RIC8A: variants seen among roughly 807,000 people sequenced by gnomAD.
The protein encoded by RIC8A is RIC8 guanine nucleotide exchange factor A.
RIC8A carries 37 observed loss-of-function variants against 48.4 expected under a neutral mutation model. That is an observed-to-expected ratio of 0.77 (90% CI 0.59 to 1.01). RIC8A has a LOEUF of 1.01. Among genes scored for constraint, RIC8A ranks in the 50% least tolerant of loss-of-function variants. The pLI is 0.00. For synonymous variants in RIC8A, 288 were observed against 283.4 expected (o/e 1.02, Z -0.16); for missense variants, 681 against 696.8 (o/e 0.98, Z 0.25).
In RIC8A at chr11:212,988, AC is replaced by A; in HGVS notation, c.1355+12del. ...ACAAGGAAGCCAAAGCCAGGTGTGTACCCCCAACACACCCTCGGGTCTCCAC... is the reference window on the plus strand; with the variant it reads ...ACAAGGAAGCCAAAGCCAGGTGTGTACCCCAACACACCCTCGGGTCTCCAC... On this transcript the variant is annotated splice_region_variant and intron_variant, in intron 8 of 9. Coordinates refer to ENST00000526104, the MANE Select transcript of RIC8A (RefSeq NM_001286134.2). 6.5e-7 allele frequency: 1 copy of A among 1,539,992 alleles called. No homozygotes were observed. The highest frequency in any genetic ancestry group is 8.7e-7 in the Non-Finnish European group (1 of 1,144,626).
chr11:213,671 G>A (rs539637509), intron 9 of RIC8A: 123 of 393,766 alleles, frequency 3.1e-4, no homozygotes, highest in Admixed American at 4.0e-4. Context: ...AAGGCCGGGC[G>A]TGGTAGCTCA....
chr11:208,967 G>A lies in RIC8A; in HGVS notation c.84+29G>A. ...AGCGGCCGCCTGAGGCCGGGGGGCG[G>A]GCACGGAGGGGGTGGGGCAGGGTCG... On this transcript the variant is annotated intron_variant, in intron 1 of 9. Coordinates refer to ENST00000526104, the MANE Select transcript of RIC8A (RefSeq NM_001286134.2). The surrounding 1 kb of genome is among the most constrained non-coding windows in gnomAD (Gnocchi z 4.8). 1 of 1,543,966 alleles carries A rather than the reference G, an allele frequency of 6.5e-7. No homozygotes were observed. Among genetic ancestry groups the A allele is most frequent in the Non-Finnish European group, 8.8e-7 (1 of 1,133,346 alleles).
In RIC8A at chr11:212,104, T is replaced by C. The variant is rs77265163; in HGVS notation, c.970-312T>C. On this transcript the variant is annotated intron_variant, in intron 5 of 9. Coordinates refer to ENST00000526104, the MANE Select transcript of RIC8A (RefSeq NM_001286134.2). ...TGTGCGAGTCTAAAGCTTTAATTGCTTTGTGTTTTCTTCCCAGCTCTGGTT... is the reference window on the plus strand; with the variant it reads ...TGTGCGAGTCTAAAGCTTTAATTGCCTTGTGTTTTCTTCCCAGCTCTGGTT... The C allele has an allele frequency of 2.2e-3, 821 of 370,124 alleles. 5 individuals carry two copies. Among genetic ancestry groups the C allele is most frequent in the African/African-American group, 0.016 (785 of 48,786 alleles). 22.9% of individuals were successfully genotyped at this position (370,124 alleles called of 1,614,324 possible).
In RIC8A at chr11:207,903, G is replaced by C. The variant is rs1855223873; in HGVS notation, c.-952G>C. On this transcript the variant is annotated 5_prime_UTR_variant, in exon 1 of 10. Transcript: ENST00000526104. ...CGGCGCCTCGCTCGTGCCTGCGAGT[G>C]CGCGCCGCGTCGAATACAGCCGTAC... is the stretch of plus-strand genomic sequence containing the variant. 1 of 152,844 alleles carries C rather than the reference G, an allele frequency of 6.5e-6. No homozygotes were observed. Among genetic ancestry groups the C allele is most frequent in the South Asian group, 1.9e-4 (1 of 5,318 alleles). 9.5% of individuals were successfully genotyped at this position (152,844 alleles called of 1,614,324 possible).
chr11:208,844 C>G lies in RIC8A; in HGVS notation c.-11C>G, dbSNP rs372426541. 1.5e-5 allele frequency: 24 copies of G among 1,606,220 alleles called. No homozygotes were observed. The highest frequency in any genetic ancestry group is 1.9e-5 in the Non-Finnish European group (22 of 1,177,142). Reference sequence around the variant, plus strand: ...CTGAGGAAGGGCCCGTCCCGCCTTCCCCGGCGCGCCATGGAGCCCCGGGCG... The same window carrying G: ...CTGAGGAAGGGCCCGTCCCGCCTTCGCCGGCGCGCCATGGAGCCCCGGGCG... On this transcript the variant is annotated 5_prime_UTR_variant, in exon 1 of 10. Transcript: ENST00000526104. This position sits in a 1 kb window ranked among gnomAD's most constrained non-coding sequence, Gnocchi z 4.8.
chr11:211,064 G>A lies in RIC8A; in HGVS notation c.819-135G>A. 1 of 914,834 alleles carries A rather than the reference G, an allele frequency of 1.1e-6. No individual in the cohort carries two copies. The highest frequency in any genetic ancestry group is 1.7e-6 in the Non-Finnish European group (1 of 603,938). The allele number at this position is 914,834 out of a possible 1,614,324, so 56.7% of individuals were successfully genotyped here. A position where few individuals can be genotyped will look rare whatever the true frequency, so the allele number is the denominator to read the frequency against. ...GCCTCTCAGATCAGTCCCTGCCCTT[G>A]GCTTTGGTCCCTAGCGCTGCCCCTT... is the stretch of plus-strand genomic sequence containing the variant. On this transcript the variant is annotated intron_variant, in intron 4 of 9. Coordinates refer to ENST00000526104, the MANE Select transcript of RIC8A (RefSeq NM_001286134.2). This position sits in a 1 kb window ranked among gnomAD's most constrained non-coding sequence, Gnocchi z 4.0.
In RIC8A at chr11:212,645, C is replaced by T. The variant is rs747911911; in HGVS notation, c.1096C>T (p.Arg366Trp). Residue 366 changes from arginine (R) to tryptophan (W), a missense_variant, in exon 7 of 10, where the codon CGG becomes TGG. Coordinates refer to ENST00000526104, the MANE Select transcript of RIC8A (RefSeq NM_001286134.2). ...GCCCCCTCTGCGGGATGTGAGGACA[C>T]GGCCTGAGGTTGGGGAGATGCTGCG... ...VLPPLRDVRT[R>W]PEVGEMLRNK... The T allele has an allele frequency of 8.1e-6, 13 of 1,613,938 alleles. No individual in the cohort carries two copies. The highest frequency in any genetic ancestry group is 4.5e-5 in the East Asian group (2 of 44,894).
chr11:209,123 C>A, intron 1 of RIC8A, 148 bp from the exon 2 acceptor site: 2 of 1,094,044 alleles, frequency 1.8e-6, no homozygotes, highest in Non-Finnish European at 2.8e-6. Context: ...CGTTGGGTGG[C>A]AGGCGTGTAG....
At chr11:210,893 T>C in intron 4 of RIC8A, 1 of 605,696 alleles carries the variant, frequency 1.7e-6, no homozygotes, top group South Asian at 2.0e-5. Flanking sequence ...ATTGGTTCCT[T>C]GTCCCCGTTT....
Position 208,883 on chromosome 11 carries a change from T to A in RIC8A, c.29T>A (p.Val10Glu). 6.2e-7 allele frequency: 1 copy of A among 1,608,774 alleles called. No individual in the cohort carries two copies. The highest frequency in any genetic ancestry group is 8.5e-7 in the Non-Finnish European group (1 of 1,178,792). Residue 10 changes from valine to glutamate, a missense_variant, in exon 1 of 10, where the codon GTG (valine) becomes GAG (glutamate). By Grantham distance (121) the Val-to-Glu change is moderately radical (BLOSUM62 -2). Coordinates refer to ENST00000526104, the MANE Select transcript of RIC8A (RefSeq NM_001286134.2). The surrounding 1 kb of genome is among the most constrained non-coding windows in gnomAD (Gnocchi z 4.8). The stretch of plus-strand genomic sequence containing the variant: ...GAGCCCCGGGCGGTTGCAGAAGCCG[T>A]GGAGACGGGTGAGGAGGATGTGATT... MEPRAVAEA[V>E]ETGEEDVIME...
In RIC8A at chr11:213,353, C is replaced by A. The variant is rs370453239; in HGVS notation, c.1410C>A (p.Gly470=). The A allele has an allele frequency of 6.2e-7, 1 of 1,613,258 alleles. No homozygotes were observed. The highest frequency in any genetic ancestry group is 1.7e-5 in the Admixed American group (1 of 59,914). ...VEEKPPNPME[G]MTEEQKEHEA... Reference sequence around the variant, plus strand: ...AGAAGCCGCCTAACCCTATGGAGGGCATGACAGAGGAGCAGAAGGAGCACG... The same window carrying A: ...AGAAGCCGCCTAACCCTATGGAGGGAATGACAGAGGAGCAGAAGGAGCACG... Residue 470 remains glycine, a synonymous_variant, in exon 9 of 10, where the codon GGC becomes GGA. Transcript: ENST00000526104.
At position 209,817 on chromosome 11, in the gene RIC8A, G is replaced by A. The variant is rs1478331253; in HGVS notation, c.543G>A (p.Gln181=). 12 of 1,613,940 alleles carry A rather than the reference G, an allele frequency of 7.4e-6. No individual in the cohort carries two copies. The highest frequency in any genetic ancestry group is 1.0e-5 in the Non-Finnish European group (12 of 1,180,062). Residue 181 remains glutamine (Q), a synonymous_variant, in exon 3 of 10, where the codon CAG becomes CAA. Coordinates refer to ENST00000526104, the MANE Select transcript of RIC8A (RefSeq NM_001286134.2). ...CACTCCGCACCGATGTGCGCCAGCA[G>A]CTGTTTCAGGAGCTGAAAGGAGTGC... ...LTALRTDVRQ[Q]LFQELKGVRL...
In RIC8A at chr11:214,461, T is replaced by A. The variant is rs1855475955; in HGVS notation, c.*111T>A. The A allele has an allele frequency of 1.5e-6, 2 of 1,337,464 alleles. No individual in the cohort carries two copies. Among genetic ancestry groups the A allele is most frequent in the East Asian group, 5.0e-5 (2 of 39,898 alleles). 82.8% of individuals were successfully genotyped at this position (1,337,464 alleles called of 1,614,324 possible). ...CACTGGATCCACACCCGCCCCCACT[T>A]CTCCATCTTAGAAACCCCTTCTCTT... On this transcript the variant is annotated 3_prime_UTR_variant, in exon 10 of 10. Transcript: ENST00000526104.
chr11:213,203 C>A, intron 8 of RIC8A, 96 bp from the exon 9 acceptor site: 1 of 1,551,092 alleles, frequency 6.4e-7, no homozygotes, highest in South Asian at 1.2e-5. Flanking sequence ...CCTGCAGTTG[C>A]CTTGCCCACC....
Position 208,926 on chromosome 11 carries a change from A to G in RIC8A, c.72A>G (p.Ser24=), listed in dbSNP as rs1419959125. The G allele has an allele frequency of 6.2e-7, 1 of 1,609,568 alleles. No individual in the cohort carries two copies. The highest frequency in any genetic ancestry group is 1.3e-5 in the African/African-American group (1 of 74,706). The change falls in exon 1 of 10, where the codon TCA becomes TCG. Residue 24 remains serine (S), a synonymous_variant. Coordinates refer to ENST00000526104, the MANE Select transcript of RIC8A (RefSeq NM_001286134.2). The surrounding 1 kb of genome is among the most constrained non-coding windows in gnomAD (Gnocchi z 4.8). The part of the protein sequence containing the change: ...EEDVIMEALR[S]YNQEHSQSFT... ...ATGTGATTATGGAAGCTCTGCGGTC[A>G]TACAACCAGGAGGTAAGCGGCCGCC...
rs373909363 is a variant in RIC8A at position 209,797 on chromosome 11, C to G, written c.523C>G (p.Arg175Gly). The change falls in exon 3 of 10, where the codon CGC becomes GGC. Residue 175 changes from arginine to glycine, a missense_variant. Physicochemically the swap from Arg to Gly is moderately radical, Grantham distance 125. Transcript: ENST00000526104. ...GCTCCTCTTCCTGCTAACGGCACTC[C>G]GCACCGATGTGCGCCAGCAGCTGTT... Reference protein sequence around the residue: ...LRLLFLLTALRTDVRQQLFQE... With the variant: ...LRLLFLLTALGTDVRQQLFQE... 6.2e-7 allele frequency: 1 copy of G among 1,614,036 alleles called. No homozygotes were observed. Among genetic ancestry groups the G allele is most frequent in the Non-Finnish European group, 8.5e-7 (1 of 1,180,046 alleles).
At chr11:213,271 T>C (rs1855416596) in intron 8 of RIC8A, 28 bp from the exon 9 acceptor site, 1 of 1,613,312 alleles carries the variant, frequency 6.2e-7, no homozygotes, top group Non-Finnish European at 8.5e-7. Flanking sequence ...ACTAATGCAT[T>C]CCCCACATTC....
Position 213,523 on chromosome 11 carries a change from C to T in RIC8A, c.1475+105C>T, listed in dbSNP as rs983473369. ...GTAGGATCAGAGGAGAGCTTAGGAT[C>T]CTGGTATTAGGTTGCATTGCTCACG... On this transcript the variant is annotated intron_variant, in intron 9 of 9. Transcript: ENST00000526104. The T allele has an allele frequency of 4.8e-6, 7 of 1,472,486 alleles. No individual in the cohort carries two copies. The Admixed American group carries it at 1.3e-4, about 27-fold the overall frequency. The allele number at this position is 1,472,486 out of a possible 1,614,324, so 91.2% of individuals were successfully genotyped here.
rs1014944216 is a variant in RIC8A at position 209,904 on chromosome 11, C to G, written c.630C>G (p.Pro210=). The G allele has an allele frequency of 6.2e-7, 1 of 1,608,442 alleles. No individual in the cohort carries two copies. Among genetic ancestry groups the G allele is most frequent in the Non-Finnish European group, 8.5e-7 (1 of 1,179,846 alleles). Residue 210 remains proline (P), a synonymous_variant, in exon 3 of 10, where the codon CCC becomes CCG. Coordinates refer to ENST00000526104, the MANE Select transcript of RIC8A (RefSeq NM_001286134.2). ...LGVTPEGNPP[P]TLLPSQETER... Reference sequence around the variant, plus strand: ...TGACTCCTGAAGGGAACCCCCCACCCACGCTCCTTCCTTCCCAAGAGACTG... The same window carrying G: ...TGACTCCTGAAGGGAACCCCCCACCGACGCTCCTTCCTTCCCAAGAGACTG...
Sources: allele counts gnomAD v4.1 joint callset, GRCh38; gene constraint gnomAD v4.1.1; non-coding constraint Gnocchi (gnomAD v3.1); transcripts MANE v1.5; gene names NCBI Gene and HGNC (gene_info 2026-07-23, HGNC 2026-07-21).